The following ITM2C variants were observed in gnomAD, a reference collection of about 807,000 sequenced individuals.
The protein encoded by ITM2C is integral membrane protein 2C, also known as BRICHOS domain containing 2C.
A neutral mutation model predicts 30.0 loss-of-function variants in ITM2C; 20 were observed. That is an observed-to-expected ratio of 0.67 (90% confidence interval 0.47 to 0.97). The LOEUF is 0.97. Ranked by LOEUF, ITM2C falls within the 50% of genes least tolerant of loss-of-function variation. The probability of loss-of-function intolerance (pLI) is 0.00; values close to 1 mark genes in which losing one functional copy is unlikely to be tolerated. For synonymous variants in ITM2C, 167 were observed against 156.4 expected (o/e 1.07, Z -0.51); for missense variants, 366 against 371.9 (o/e 0.98, Z 0.13).
At chr2:230,871,465 C>G (rs1697162656) in intron 1 of ITM2C, among the ~76,000 whole-genome samples, 1 of 152,250 alleles carries the variant, frequency 6.6e-6, no homozygotes, top group Non-Finnish European at 1.5e-5. Context: ...TCCCAACCCC[C>G]TGTGGCCAGC....
At chr2:230,872,380 G>A (rs1559156488) in intron 1 of ITM2C, among the ~76,000 whole-genome samples, 1 of 152,230 alleles carries the variant, frequency 6.6e-6, no homozygotes, top group Admixed American at 6.5e-5. Context: ...AGAAGAGACA[G>A]GAAATTGACC....
chr2:230,866,039 C>A (rs1697021154), intron 1 of ITM2C, among the ~76,000 whole-genome samples: 1 of 150,324 alleles, frequency 6.7e-6, no homozygotes, highest in Non-Finnish European at 1.5e-5. Flanking sequence ...GCATTTCCGC[C>A]GTGGAAAACT....
rs2125025812 is a variant in ITM2C at position 230,877,049 on chromosome 2, A to T, written c.561+82A>T. ...CTCATGGAGGCTAGGTCTGAGGTAC[A>T]GGAAGTTCCTGTGTCAGGGGTTGGG... is the stretch of plus-strand genomic sequence containing the variant. On this transcript the variant is annotated intron_variant, in intron 4 of 5. Coordinates refer to ENST00000326427, the MANE Select transcript of ITM2C (RefSeq NM_030926.6). The surrounding 1 kb of genome is among the most constrained non-coding windows in gnomAD (Gnocchi z 4.8). 1 of 998,748 alleles carries T rather than the reference A, an allele frequency of 1.0e-6. No individual in the cohort carries two copies. The highest frequency in any genetic ancestry group is 1.8e-5 in the Admixed American group (1 of 55,762). 61.9% of individuals were successfully genotyped at this position (998,748 alleles called of 1,614,324 possible).
At position 230,867,668 on chromosome 2, in the gene ITM2C, A is replaced by T. The variant is rs200208668; in HGVS notation, c.120+2523A>T. Among the ~76,000 whole-genome samples, 1,376 of 105,162 alleles carry T rather than the reference A, an allele frequency of 0.013. 32 individuals carry two copies. In the East Asian group the frequency reaches 0.23, roughly 17 times the overall value. 69.0% of individuals were successfully genotyped at this position (105,162 alleles called of 152,430 possible). A position where few individuals can be genotyped will look rare whatever the true frequency, so the allele number is the denominator to read the frequency against. ...TATTTTATCTATTTTATTTTATTTT[A>T]TTTTTTTTTTTGAGACAGAGTCTCA... On this transcript the variant is annotated intron_variant, in intron 1 of 5. Transcript: ENST00000326427.
chr2:230,871,741 A>G (rs1697170823), intron 1 of ITM2C, among the ~76,000 whole-genome samples: 1 of 152,204 alleles, frequency 6.6e-6, no homozygotes, highest in South Asian at 2.1e-4. Flanking sequence ...GGGGCACCCC[A>G]TGGTGAGGAT....
At chr2:230,873,924 C>T (rs1205269863) in intron 2 of ITM2C, among the ~76,000 whole-genome samples, 1 of 152,234 alleles carries the variant, frequency 6.6e-6, no homozygotes, top group African/African-American at 2.4e-5. Context: ...TTAAGGCTGA[C>T]CTAACTGTGC....
chr2:230,867,703 A>C (rs1471894696), intron 1 of ITM2C, among the ~76,000 whole-genome samples: 2 of 149,832 alleles, frequency 1.3e-5, no homozygotes, highest in Non-Finnish European at 3.0e-5. Context: ...ACTTTTACCC[A>C]GGCTAGAGTT....
intron 1 of ITM2C, among the ~76,000 whole-genome samples, chr2:230,869,753 C>A (rs962292404): frequency 6.6e-6 from 1 of 152,190 alleles, no homozygotes; most frequent in African/African-American, 2.4e-5. Flanking sequence ...GGCTGGTTTC[C>A]CCCTGACCAT....
intron 1 of ITM2C, among the ~76,000 whole-genome samples, chr2:230,867,768 C>G (rs1336270521): frequency 3.9e-5 from 6 of 152,000 alleles, no homozygotes; most frequent in Non-Finnish European, 8.8e-5. Flanking sequence ...AAGTGATTCT[C>G]CTGCCTCAGC....
intron 1 of ITM2C, among the ~76,000 whole-genome samples, chr2:230,867,292 C>A (rs533262698): frequency 6.6e-6 from 1 of 152,350 alleles, no homozygotes; most frequent in South Asian, 2.1e-4. Context: ...TGCAAGTTGG[C>A]TCTGCCCATC....
At chr2:230,864,837 G>A, upstream of ITM2C, 1 of 602,280 alleles carries the variant, frequency 1.7e-6, no homozygotes, top group Non-Finnish European at 2.3e-6. The surrounding 1 kb of genome is among the most constrained non-coding windows in gnomAD (Gnocchi z 4.3). Context: ...GGGCGGGAAG[G>A]GGGCGCAGGC....
At chr2:230,872,979 C>T (rs1697199705) in intron 1 of ITM2C, among the ~76,000 whole-genome samples, 1 of 152,172 alleles carries the variant, frequency 6.6e-6, no homozygotes, top group Non-Finnish European at 1.5e-5. Flanking sequence ...CCCAGCCTGC[C>T]TGGTGTGTCT....
chr2:230,868,258 T>TC (rs961394203), intron 1 of ITM2C, among the ~76,000 whole-genome samples: 19 of 151,202 alleles, frequency 1.3e-4, no homozygotes, highest in African/African-American at 1.7e-4. Flanking sequence ...CTGCCCGGCC[T>TC]CCCCCCCTGG....
rs147482519 is a variant in ITM2C, at chr2:230,877,549, G to A, written c.711G>A (p.Arg237=). Reference sequence around the variant, plus strand: ...GGCTCCGGCGCCGGGCAACGCGGAGGCGTGAGTGGCTGGCTTCACCCACAG... The same window carrying A: ...GGCTCCGGCGCCGGGCAACGCGGAGACGTGAGTGGCTGGCTTCACCCACAG... ...TYRLRRRATR[R]RINKRGAKNC... is the part of the protein sequence containing the mutation. The change falls in exon 5 of 6, where the codon AGG becomes AGA. Residue 237 remains arginine, a splice_region_variant and synonymous_variant. Transcript: ENST00000326427. The surrounding 1 kb of genome is among the most constrained non-coding windows in gnomAD (Gnocchi z 4.8). The A allele has an allele frequency of 6.2e-7, 1 of 1,613,332 alleles. No individual in the cohort carries two copies. The highest frequency in any genetic ancestry group is 8.5e-7 in the Non-Finnish European group (1 of 1,180,004).
upstream of ITM2C, chr2:230,864,517 CG>C (rs1319755838): frequency 6.6e-6 from 1 of 152,386 alleles, no homozygotes; most frequent in Non-Finnish European, 1.5e-5. The surrounding 1 kb of genome is among the most constrained non-coding windows in gnomAD (Gnocchi z 4.3). Flanking sequence ...GAGGCTCCAG[CG>C]TTTCTAAAGG....
intron 2 of ITM2C, among the ~76,000 whole-genome samples, chr2:230,875,050 G>A (rs1164990441): frequency 2.0e-5 from 3 of 152,172 alleles, no homozygotes; most frequent in African/African-American, 2.4e-5. Context: ...CTCCCCACCC[G>A]CCGTGTTAGG....
At position 230,865,400 on chromosome 2, in the gene ITM2C, C is replaced by A. The variant is rs1479566107; in HGVS notation, c.120+255C>A. ...TCTGGTCTTCAGGTGGAGAAGTGCT[C>A]GAGGTCTCTTCCAAAAGTGGGGGCC... On this transcript the variant is annotated intron_variant, in intron 1 of 5. Coordinates refer to ENST00000326427, the MANE Select transcript of ITM2C (RefSeq NM_030926.6). The surrounding 1 kb of genome is among the most constrained non-coding windows in gnomAD (Gnocchi z 6.8). The A allele has an allele frequency of 5.3e-6, 2 of 376,360 alleles. No individual in the cohort carries two copies. The highest frequency in any genetic ancestry group is 9.3e-6 in the Non-Finnish European group (2 of 215,532). 23.3% of individuals were successfully genotyped at this position (376,360 alleles called of 1,614,324 possible).
rs1449474572 is a variant in ITM2C at position 230,865,107 on chromosome 2, C to T, written c.82C>T (p.Pro28Ser). ...ADKASASAPAPASATEILLTP... is the reference protein window; with the variant it reads ...ADKASASAPASASATEILLTP... ...CAAGGCGTCGGCGTCGGCCCCTGCG[C>T]CGGCCTCGGCCACCGAGATCCTGCT... is the stretch of plus-strand genomic sequence containing the variant. Residue 28 changes from proline to serine, a missense_variant, in exon 1 of 6, where the codon CCG becomes TCG. Pro to Ser is a moderately conservative substitution (Grantham distance 74). Coordinates refer to ENST00000326427, the MANE Select transcript of ITM2C (RefSeq NM_030926.6). This position sits in a 1 kb window ranked among gnomAD's most constrained non-coding sequence, Gnocchi z 6.8. The T allele has an allele frequency of 6.6e-7, 1 of 1,509,664 alleles. No homozygotes were observed. Among genetic ancestry groups the T allele is most frequent in the Non-Finnish European group, 8.9e-7 (1 of 1,123,934 alleles). 93.5% of individuals were successfully genotyped at this position (1,509,664 alleles called of 1,614,324 possible). A position where few individuals can be genotyped will look rare whatever the true frequency, so the allele number is the denominator to read the frequency against.
At chr2:230,872,854 C>T (rs1305678927) in intron 1 of ITM2C, among the ~76,000 whole-genome samples, 3 of 152,074 alleles carry the variant, frequency 2.0e-5, no homozygotes, top group African/African-American at 7.2e-5. Context: ...CACAGCCTGC[C>T]CACCTCCTAT....
Sources: gnomAD v4.1 joint callset for allele counts (sites outside exome capture counted in the v4.1 genomes callset) on GRCh38, gnomAD v4.1.1 for gene constraint, Gnocchi (gnomAD v3.1) non-coding constraint, MANE v1.5 for transcripts, NCBI Gene and HGNC (gene_info 2026-07-23, HGNC 2026-07-21) for gene names.